The following EVI5 variants were observed in gnomAD, a reference collection of about 807,000 sequenced individuals.
EVI5 encodes ecotropic viral integration site 5 protein homolog.
A neutral mutation model predicts 112.0 loss-of-function variants in EVI5; 73 were observed. That is an observed-to-expected ratio of 0.65 (90% confidence interval 0.54 to 0.79). The LOEUF (loss-of-function observed/expected upper bound fraction) is 0.79, where lower values mean the gene tolerates loss of function less well. Ranked by LOEUF, EVI5 falls within the 30% of genes least tolerant of loss-of-function variation. The pLI is 0.00. For synonymous variants in EVI5, 305 were observed against 319.9 expected, an observed-to-expected ratio of 0.95 and a Z score of 0.50; for missense variants, 900 against 968.8, an observed-to-expected ratio of 0.93 and a Z score of 0.94.
Position 92,625,931 on chromosome 1 carries a change from T to G in EVI5, c.1531A>C (p.Asn511His). 1 of 1,593,790 alleles carries G rather than the reference T, an allele frequency of 6.3e-7. No individual in the cohort carries two copies. The highest frequency in any genetic ancestry group is 8.6e-7 in the Non-Finnish European group (1 of 1,165,204). The part of the protein sequence containing the change: ...QDKVLDIEKR[N>H]NSLPDENNIA... Reference sequence around the variant, plus strand: ...TTATTCTCATCAGGAAGGGAGTTATTCCTCTAAAGAAGAAGAAAATTTAAT... The same window carrying G: ...TTATTCTCATCAGGAAGGGAGTTATGCCTCTAAAGAAGAAGAAAATTTAAT... The change falls in exon 15 of 20, where the codon AAT (asparagine) becomes CAT (histidine). Residue 511 changes from asparagine (N) to histidine (H), a missense_variant. Coordinates refer to ENST00000684568, the MANE Select transcript of EVI5 (RefSeq NM_001350197.2).
intron 14 of EVI5, among the ~76,000 whole-genome samples, chr1:92,633,618 C>A (rs879229876): frequency 1.3e-5 from 2 of 152,146 alleles, no homozygotes; most frequent in Non-Finnish European, 2.9e-5. Flanking sequence ...GGTCTTGACT[C>A]TTTATCCAAT....
intron 16 of EVI5, among the ~76,000 whole-genome samples, chr1:92,612,365 T>C (rs1163258115): frequency 6.6e-6 from 1 of 152,140 alleles, no homozygotes; most frequent in African/African-American, 2.4e-5. Flanking sequence ...ACTTTTGATT[T>C]GTGATCTGGG....
intron 19 of EVI5, among the ~76,000 whole-genome samples, chr1:92,525,604 C>T (rs1661738740): frequency 6.6e-6 from 1 of 152,096 alleles, no homozygotes; most frequent in East Asian, 1.9e-4. Flanking sequence ...ACTAATGTAT[C>T]TTGATGTTTG....
chr1:92,532,746 AGACACACGTACCAGAATCTCTGG>A (rs1369917297), intron 19 of EVI5, among the ~76,000 whole-genome samples: 1 of 152,222 alleles, frequency 6.6e-6, no homozygotes, highest in Non-Finnish European at 1.5e-5. Context: ...ATGAGAACAA[AGACACACGTACCAGAATCTCTGG>A]GACACATTTA....
chr1:92,755,395 A>T (rs576056905), intron 1 of EVI5, among the ~76,000 whole-genome samples: 1 of 152,328 alleles, frequency 6.6e-6, no homozygotes, highest in African/African-American at 2.4e-5. Context: ...TGGGCGACAC[A>T]GCAAGATTCC....
At chr1:92,555,554 AT>A (rs1667541696) in intron 19 of EVI5, among the ~76,000 whole-genome samples, 1 of 152,222 alleles carries the variant, frequency 6.6e-6, no homozygotes, top group African/African-American at 2.4e-5. Context: ...AGAAATAGAA[AT>A]AAGAATAAGC....
intron 18 of EVI5, among the ~76,000 whole-genome samples, chr1:92,603,977 T>C (rs923729492): frequency 8.6e-5 from 13 of 152,000 alleles, no homozygotes; most frequent in Non-Finnish European, 1.5e-4. Context: ...GCTCAAGATC[T>C]GCCTGCCTCA....
chr1:92,775,977 G>T (rs990924839), intron 1 of EVI5, among the ~76,000 whole-genome samples: 1 of 151,930 alleles, frequency 6.6e-6, no homozygotes, highest in Non-Finnish European at 1.5e-5. Flanking sequence ...GCGTGGTGGT[G>T]GGCGCCTGTA....
chr1:92,672,189 T>C (rs1354996262), intron 10 of EVI5, among the ~76,000 whole-genome samples: 1 of 152,152 alleles, frequency 6.6e-6, no homozygotes, highest in East Asian at 1.9e-4. Flanking sequence ...AATTTACTCT[T>C]AACACAGCAA....
At chr1:92,699,652 C>G (rs974596482) in intron 5 of EVI5, among the ~76,000 whole-genome samples, 3 of 152,150 alleles carry the variant, frequency 2.0e-5, no homozygotes, top group African/African-American at 4.8e-5. Context: ...AGGCTATATG[C>G]TATATAGCCT....
At chr1:92,669,558 A>AAAAAAAAAAAAAAAAAAAAAAAAAAAC (rs1414775378) in intron 10 of EVI5, among the ~76,000 whole-genome samples, 1 of 150,418 alleles carries the variant, frequency 6.6e-6, no homozygotes, top group Non-Finnish European at 1.5e-5. Flanking sequence ...AAAAAAAAAA[A>AAAAAAAAAAAAAAAAAAAAAAAAAAAC]AAATCACTGG....
At chr1:92,714,824 C>T (rs533450208) in intron 2 of EVI5, among the ~76,000 whole-genome samples, 2 of 152,172 alleles carry the variant, frequency 1.3e-5, no homozygotes, top group East Asian at 3.9e-4. Context: ...CTCTTGGCCT[C>T]ATGCAATTCT....
At chr1:92,716,532 TA>T (rs1287140527) in intron 2 of EVI5, among the ~76,000 whole-genome samples, 2 of 152,164 alleles carry the variant, frequency 1.3e-5, no homozygotes, top group Non-Finnish European at 2.9e-5. Context: ...GCAGAAAAGC[TA>T]AAAATTCTAA....
At chr1:92,583,695 T>C (rs372678379) in intron 18 of EVI5, among the ~76,000 whole-genome samples, 2 of 151,140 alleles carry the variant, frequency 1.3e-5, no homozygotes, top group Admixed American at 6.6e-5. Context: ...ATTAGAAGTA[T>C]AAGCTACTGG....
rs1411365339 is a variant in EVI5, at chr1:92,520,424, C to CT, written c.2167-6455dup. Reference sequence around the variant, plus strand: ...TAAATGTAAACTAATGATGTAGATCCTGTAAATTAATCTAACAAAAATCAT... The same window carrying CT: ...TAAATGTAAACTAATGATGTAGATCCTTGTAAATTAATCTAACAAAAATCAT... On this transcript the variant is annotated intron_variant, in intron 19 of 19. Transcript: ENST00000684568. Among the ~76,000 whole-genome samples, 8 of 151,876 alleles carry CT rather than the reference C, an allele frequency of 5.3e-5. No individual in the cohort carries two copies. In the South Asian group the frequency reaches 8.3e-4, roughly 16 times the overall value.
intron 18 of EVI5, among the ~76,000 whole-genome samples, chr1:92,587,627 G>T (rs1482811620): frequency 6.6e-6 from 1 of 152,174 alleles, no homozygotes; most frequent in East Asian, 1.9e-4. Context: ...TTCTATGTCA[G>T]AACAGAATTT....
At position 92,560,488 on chromosome 1, in the gene EVI5, T is replaced by A. The variant is rs542384402; in HGVS notation, c.2166+3154A>T. 2.0e-5 allele frequency among the ~76,000 whole-genome samples: 3 copies of A among 152,272 alleles called. No homozygotes were observed. The South Asian group carries it at 6.2e-4, about 32-fold the overall frequency. ...ATGAGTGTGATCATTTTGTGATAAT[T>A]TATTGAGCTGTAAACTTTTGACTTG... is the stretch of plus-strand genomic sequence containing the variant. On this transcript the variant is annotated intron_variant, in intron 19 of 19. Transcript: ENST00000684568.
chr1:92,599,383 CT>C (rs1648633458), intron 18 of EVI5, among the ~76,000 whole-genome samples: 1 of 151,938 alleles, frequency 6.6e-6, no homozygotes, highest in Admixed American at 6.6e-5. Context: ...AGTTCTCCCC[CT>C]AGTGGAACTT....
intron 19 of EVI5, among the ~76,000 whole-genome samples, chr1:92,563,126 TCACA>T (rs750304059): frequency 2.5e-4 from 38 of 152,168 alleles, no homozygotes; most frequent in Non-Finnish European, 5.3e-4. Context: ...GAGTTGAATC[TCACA>T]GATTCAAGGT....
Sources: allele counts gnomAD v4.1 joint callset (sites outside exome capture counted in the v4.1 genomes callset), GRCh38; gene constraint gnomAD v4.1.1; transcripts MANE v1.5; gene names NCBI Gene and HGNC (gene_info 2026-07-23, HGNC 2026-07-21).